The following GPR158 variants were observed in gnomAD, a reference collection of about 807,000 sequenced individuals.
GPR158 encodes metabotropic glycine receptor.
GPR158 carries 30 observed loss-of-function variants against 78.2 expected under a neutral mutation model. The ratio of observed to expected loss-of-function variants is 0.38; its 90% CI spans 0.29 to 0.52. GPR158 has a LOEUF of 0.52. Among genes scored for constraint, GPR158 ranks in the 20% least tolerant of loss-of-function variants. GPR158 has a pLI of 0.83. For missense variants in GPR158, 1,463 were observed against 1,523.5 expected (o/e 0.96, Z 0.66); for synonymous variants, 581 against 591.1 (o/e 0.98, Z 0.25).
At chr10:25,348,494 G>A (rs994570775) in intron 2 of GPR158, among the ~76,000 whole-genome samples, 2 of 150,778 alleles carry the variant, frequency 1.3e-5, no homozygotes, top group Non-Finnish European at 1.5e-5. Flanking sequence ...GCATAAATAA[G>A]TTATAATATT....
intron 7 of GPR158, among the ~76,000 whole-genome samples, chr10:25,587,415 C>T (rs570627267): frequency 4.6e-5 from 7 of 152,198 alleles, no homozygotes; most frequent in South Asian, 2.1e-4. Flanking sequence ...AAACTGATAG[C>T]GGCTTAGGCA....
chr10:25,394,178 T>A (rs1834338430), intron 2 of GPR158, among the ~76,000 whole-genome samples: 1 of 152,202 alleles, frequency 6.6e-6, no homozygotes, highest in African/African-American at 2.4e-5. Flanking sequence ...TTTCCTCTTA[T>A]ACCCTGTATT....
intron 2 of GPR158, among the ~76,000 whole-genome samples, chr10:25,276,242 A>G (rs1854181126): frequency 6.6e-6 from 1 of 152,200 alleles, no homozygotes; most frequent in Non-Finnish European, 1.5e-5. Context: ...TAAAATGTGG[A>G]TGGTAGTATT....
chr10:25,526,391 CTGTT>C (rs1311823386), intron 5 of GPR158, among the ~76,000 whole-genome samples: 2 of 151,994 alleles, frequency 1.3e-5, no homozygotes, highest in Non-Finnish European at 2.9e-5. Context: ...AAGCTGCAAT[CTGTT>C]TGTCTTAAGA....
chr10:25,567,792 G>A (rs562437592), intron 6 of GPR158, among the ~76,000 whole-genome samples: 34 of 152,208 alleles, frequency 2.2e-4, no homozygotes, highest in African/African-American at 5.3e-4. Flanking sequence ...GAAGCAATAC[G>A]ATCAGATGCA....
intron 4 of GPR158, among the ~76,000 whole-genome samples, chr10:25,417,868 T>C (rs1390189109): frequency 6.6e-6 from 1 of 152,194 alleles, no homozygotes; most frequent in African/African-American, 2.4e-5. Context: ...TTTGCTGACA[T>C]GTGAACCATG....
chr10:25,561,999 G>T (rs2130722198), intron 6 of GPR158, among the ~76,000 whole-genome samples: 1 of 150,944 alleles, frequency 6.6e-6, no homozygotes, highest in South Asian at 2.1e-4. Flanking sequence ...GACTGGGTCT[G>T]CAATGTTCAG....
intron 5 of GPR158, among the ~76,000 whole-genome samples, chr10:25,533,417 G>C (rs1836451439): frequency 6.6e-6 from 1 of 152,134 alleles, no homozygotes; most frequent in South Asian, 2.1e-4. Context: ...CATTATAGTT[G>C]GTTCTGGTGT....
intron 2 of GPR158, among the ~76,000 whole-genome samples, chr10:25,301,930 A>G (rs1854601345): frequency 6.6e-6 from 1 of 152,122 alleles, no homozygotes; most frequent in Non-Finnish European, 1.5e-5. Context: ...TCTGATTTCT[A>G]TCACTATGGA....
intron 5 of GPR158, among the ~76,000 whole-genome samples, chr10:25,545,860 G>A (rs1035532294): frequency 9.9e-5 from 15 of 152,172 alleles, no homozygotes; most frequent in African/African-American, 3.6e-4. Context: ...GGGAATGGAC[G>A]TGCAATCAAG....
At chr10:25,534,839 A>G (rs928987035) in intron 5 of GPR158, among the ~76,000 whole-genome samples, 16 of 152,034 alleles carry the variant, frequency 1.1e-4, no homozygotes, top group Non-Finnish European at 2.1e-4. Context: ...ACATGACCAT[A>G]CCATTTTTCT....
intron 2 of GPR158, among the ~76,000 whole-genome samples, chr10:25,249,344 C>T (rs1053811778): frequency 6.6e-6 from 1 of 152,144 alleles, no homozygotes; most frequent in South Asian, 2.1e-4. Context: ...ACTTCCAACA[C>T]TATGTTGAAT....
intron 5 of GPR158, among the ~76,000 whole-genome samples, chr10:25,500,249 A>C (rs1386267767): frequency 1.3e-5 from 2 of 152,164 alleles, no homozygotes; most frequent in East Asian, 3.8e-4. Context: ...CATTACTTTA[A>C]TTGAATTTGG....
chr10:25,348,436 C>T (rs1013623969), intron 2 of GPR158, among the ~76,000 whole-genome samples: 6 of 144,382 alleles, frequency 4.2e-5, no homozygotes, highest in Admixed American at 7.0e-5. Flanking sequence ...CACACACACA[C>T]GGAAAAACCC....
chr10:25,443,653 C>T (rs1039526686), intron 4 of GPR158, among the ~76,000 whole-genome samples: 1 of 149,436 alleles, frequency 6.7e-6, no homozygotes, highest in Non-Finnish European at 1.5e-5. Flanking sequence ...GCGATCATTC[C>T]ACTTCGTCCT....
chr10:25,471,439 T>C (rs938275309), intron 5 of GPR158, among the ~76,000 whole-genome samples: 25 of 152,328 alleles, frequency 1.6e-4, no homozygotes. Flanking sequence ...TGTGTCTTTA[T>C]AGCTGCATGA....
chr10:25,571,566 C>A (rs565197560), intron 6 of GPR158, among the ~76,000 whole-genome samples: 1 of 152,272 alleles, frequency 6.6e-6, no homozygotes, highest in South Asian at 2.1e-4. Flanking sequence ...AAATTGATTA[C>A]AGATACTCTC....
chr10:25,460,628 T>C (rs993939264), intron 4 of GPR158, among the ~76,000 whole-genome samples: 5 of 152,218 alleles, frequency 3.3e-5, no homozygotes, highest in African/African-American at 1.2e-4. Flanking sequence ...AGTTGATCTA[T>C]CCCCAAATCT....
chr10:25,293,458 G>A (rs772521328), intron 2 of GPR158, among the ~76,000 whole-genome samples: 15 of 152,086 alleles, frequency 9.9e-5, no homozygotes, highest in Non-Finnish European at 1.9e-4. Flanking sequence ...TATACCTAAC[G>A]CATGGCTATC....
Sources: gnomAD v4.1 joint callset for allele counts (sites outside exome capture counted in the v4.1 genomes callset) on GRCh38, gnomAD v4.1.1 for gene constraint, MANE v1.5 for transcripts, NCBI Gene and HGNC (gene_info 2026-07-23, HGNC 2026-07-21) for gene names.